TGS1: variants seen among roughly 807,000 people sequenced by gnomAD.
The protein encoded by TGS1 is trimethylguanosine synthase.
In TGS1, 69 loss-of-function variants were observed where a neutral mutation model predicts 92.2. The observed-to-expected ratio is 0.75, with a 90% CI of 0.62 to 0.91. The LOEUF (loss-of-function observed/expected upper bound fraction) is 0.91, where lower values mean the gene tolerates loss of function less well. Ranked by LOEUF, TGS1 falls within the 40% of genes least tolerant of loss-of-function variation. The probability of loss-of-function intolerance (pLI) is 0.00; values close to 1 mark genes in which losing one functional copy is unlikely to be tolerated. For missense variants in TGS1, 1,062 were observed against 1,001.2 expected (o/e 1.06, Z -0.82); for synonymous variants, 345 against 338.1 (o/e 1.02, Z -0.22).
chr8:55,805,818 G>T (rs1812349970), intron 10 of TGS1, among the ~76,000 whole-genome samples: 1 of 150,760 alleles, frequency 6.6e-6, no homozygotes, highest in African/African-American at 2.4e-5. Context: ...GGAGGCAGAG[G>T]TTGCAGTGAG....
At chr8:55,822,574 TA>T (rs1018232452) in intron 12 of TGS1, among the ~76,000 whole-genome samples, 5 of 151,598 alleles carry the variant, frequency 3.3e-5, no homozygotes, top group Non-Finnish European at 7.4e-5. Flanking sequence ...CCCTTTCTTG[TA>T]AAAAAACCAG....
At chr8:55,817,661 G>C (rs1803520322) in intron 12 of TGS1, among the ~76,000 whole-genome samples, 1 of 152,064 alleles carries the variant, frequency 6.6e-6, no homozygotes, top group Non-Finnish European at 1.5e-5. Flanking sequence ...TTAATATAGT[G>C]GAAATCTAAT....
At position 55,786,775 on chromosome 8, in the gene TGS1, G is replaced by C. The variant is rs1363012917; in HGVS notation, c.877G>C (p.Val293Leu). Residue 293 changes from valine to leucine, a missense_variant, in exon 4 of 13, where the codon GTA becomes CTA. Transcript: ENST00000260129. The stretch of plus-strand genomic sequence containing the variant: ...TGAAAAATGCATGAAAGTTGACTTA[G>C]TATCTTTTCCATCTTCACCTATTAT... The part of the protein sequence containing the change: ...NDEKCMKVDL[V>L]SFPSSPIMVD... 1.2e-6 allele frequency: 2 copies of C among 1,614,120 alleles called. No individual in the cohort carries two copies. Among genetic ancestry groups the C allele is most frequent in the Non-Finnish European group, 1.7e-6 (2 of 1,180,022 alleles).
chr8:55,818,700 CT>C (rs1427931825), intron 12 of TGS1, among the ~76,000 whole-genome samples: 1 of 152,208 alleles, frequency 6.6e-6, no homozygotes, highest in Non-Finnish European at 1.5e-5. Context: ...TGCTGAAATG[CT>C]TCTAAATATA....
intron 8 of TGS1, among the ~76,000 whole-genome samples, chr8:55,799,660 C>G (rs901039615): frequency 3.9e-5 from 6 of 152,212 alleles, no homozygotes; most frequent in Non-Finnish European, 8.8e-5. Flanking sequence ...TCACTACATC[C>G]TTGACCCCCA....
At chr8:55,790,042 G>T in intron 4 of TGS1, 140 bp from the exon 5 acceptor site, 1 of 643,520 alleles carries the variant, frequency 1.6e-6, no homozygotes, top group South Asian at 1.9e-5. Context: ...ACACAAACAG[G>T]TAGATGTGAG....
rs7830270 is a variant in TGS1, at chr8:55,822,717, G to C, written c.2440-1864G>C. On this transcript the variant is annotated intron_variant, in intron 12 of 12. Transcript: ENST00000260129. ...CTTACAAAAAAAAATAGTGGGGGGGGTGCTTTTAATCATTATAAGGAATAC... is the reference window on the plus strand; with the variant it reads ...CTTACAAAAAAAAATAGTGGGGGGGCTGCTTTTAATCATTATAAGGAATAC... Among the ~76,000 whole-genome samples the C allele has an allele frequency of 2.6e-4, 40 of 151,638 alleles. 1 individual carries two copies. The East Asian group carries it at 7.7e-3, about 29-fold the overall frequency.
At chr8:55,822,487 A>G (rs1442145261) in intron 12 of TGS1, among the ~76,000 whole-genome samples, 3 of 152,190 alleles carry the variant, frequency 2.0e-5, no homozygotes, top group African/African-American at 7.2e-5. Flanking sequence ...ACTCAAAGAA[A>G]AATTATTGTG....
At chr8:55,802,663 A>G (rs1008497407) in intron 9 of TGS1, 57 bp downstream of exon 9, 11 of 1,509,464 alleles carry the variant, frequency 7.3e-6, no homozygotes, top group Non-Finnish European at 9.0e-6. Flanking sequence ...ACTTAAAAAG[A>G]AAGTTATAAG....
Position 55,787,909 on chromosome 8 carries a change from A to C in TGS1, c.1162+849A>C, listed in dbSNP as rs181293278. 5.9e-3 allele frequency among the ~76,000 whole-genome samples: 900 copies of C among 152,242 alleles called. 4 individuals are homozygous for C. Among genetic ancestry groups the C allele is most frequent in the African/African-American group, 0.02 (830 of 41,532 alleles). ...AGAGAGAGAGCAAGAGAGAGGGGGG[A>C]GGTCCCAGGCTCTTGTTAGCAATCA... On this transcript the variant is annotated intron_variant, in intron 4 of 12. Coordinates refer to ENST00000260129, the MANE Select transcript of TGS1 (RefSeq NM_024831.8).
chr8:55,810,303 A>C (rs1803303561), intron 10 of TGS1, among the ~76,000 whole-genome samples: 1 of 152,252 alleles, frequency 6.6e-6, no homozygotes, highest in Non-Finnish European at 1.5e-5. Context: ...ATGAAAGTCC[A>C]TTTGGTGAAA....
intron 5 of TGS1, among the ~76,000 whole-genome samples, chr8:55,790,946 C>T (rs1811864282): frequency 1.4e-5 from 2 of 148,030 alleles, no homozygotes; most frequent in East Asian, 2.0e-4. Context: ...TAACTTTTAA[C>T]TAATAATTAA....
At chr8:55,777,208 C>T (rs1811424784) in intron 1 of TGS1, among the ~76,000 whole-genome samples, 1 of 151,814 alleles carries the variant, frequency 6.6e-6, no homozygotes, top group African/African-American at 2.4e-5. Flanking sequence ...GGGATCTCAC[C>T]TTGTTGCCCA....
rs139445119 is a variant in TGS1, at chr8:55,786,405, T to G, written c.507T>G (p.Tyr169Ter). The G allele has an allele frequency of 1.1e-5, 17 of 1,613,472 alleles. No homozygotes were observed. Among genetic ancestry groups the G allele is most frequent in the Non-Finnish European group, 1.4e-5 (17 of 1,179,910 alleles). The part of the protein sequence containing the change: ...SIEQYENTRT[Y>*]ELQSKKDTET... ...AACAGTATGAGAACACCAGAACATA[T>G]GAACTTCAAAGCAAAAAAGATACTG... The change falls in exon 4 of 13, where the codon TAT (tyrosine) becomes TAG (stop). Residue 169 changes from tyrosine (Y) to a stop codon, truncating the protein, a stop_gained. Coordinates refer to ENST00000260129, the MANE Select transcript of TGS1 (RefSeq NM_024831.8). LOFTEE classifies it high-confidence loss of function.
intron 10 of TGS1, 50 bp downstream of exon 10, chr8:55,805,086 T>A: frequency 6.5e-7 from 1 of 1,541,328 alleles, no homozygotes. Flanking sequence ...GTTAATTCAG[T>A]AAATGTTTCC....
At chr8:55,808,729 G>A (rs553645055) in intron 10 of TGS1, among the ~76,000 whole-genome samples, 2 of 151,946 alleles carry the variant, frequency 1.3e-5, no homozygotes, top group East Asian at 3.9e-4. Context: ...GGGTGGTCTC[G>A]AACTCCTGAC....
Position 55,786,816 on chromosome 8 carries a change from C to T in TGS1, c.918C>T (p.Ser306=). ...PSSPIMVDND[S]SGTSDKDHSE... Reference sequence around the variant, plus strand: ...CACCTATTATGGTTGATAATGATAGCTCTGGTACAAGTGATAAGGATCATA... The same window carrying T: ...CACCTATTATGGTTGATAATGATAGTTCTGGTACAAGTGATAAGGATCATA... The change falls in exon 4 of 13, where the codon AGC becomes AGT. Residue 306 remains serine (S), a synonymous_variant. Coordinates refer to ENST00000260129, the MANE Select transcript of TGS1 (RefSeq NM_024831.8). 3 of 1,614,030 alleles carry T rather than the reference C, an allele frequency of 1.9e-6. No homozygotes were observed. Among genetic ancestry groups the T allele is most frequent in the Non-Finnish European group, 2.5e-6 (3 of 1,179,976 alleles).
At chr8:55,776,289 T>G (rs984949632) in intron 1 of TGS1, among the ~76,000 whole-genome samples, 3 of 150,070 alleles carry the variant, frequency 2.0e-5, no homozygotes, top group African/African-American at 4.9e-5. Context: ...TTTTTTTTTT[T>G]TTTTTTTTTG....
At chr8:55,820,876 A>G (rs959981355) in intron 12 of TGS1, among the ~76,000 whole-genome samples, 6 of 152,140 alleles carry the variant, frequency 3.9e-5, no homozygotes, top group African/African-American at 4.8e-5. Context: ...TCCTCTCACA[A>G]TTTACTAAAT....
Sources: gnomAD v4.1 joint callset for allele counts (sites outside exome capture counted in the v4.1 genomes callset) on GRCh38, gnomAD v4.1.1 for gene constraint, MANE v1.5 for transcripts, NCBI Gene and HGNC (gene_info 2026-07-23, HGNC 2026-07-21) for gene names.